Variants in SPHKAP observed in about 807,000 individuals in gnomAD.
The protein encoded by SPHKAP is SPHK1 interactor, AKAP domain containing.
SPHKAP carries 67 observed loss-of-function variants against 137.5 expected under a neutral mutation model. The observed-to-expected ratio is 0.49, with a 90% CI of 0.40 to 0.60. The LOEUF is 0.60. SPHKAP is among the 20% of genes least tolerant of loss of function. SPHKAP has a pLI of 0.00. For synonymous variants in SPHKAP, 813 were observed against 785.3 expected (o/e 1.04, Z -0.59); for missense variants, 2,097 against 2,069.3 (o/e 1.01, Z -0.26).
rs770168432 is a variant in SPHKAP at position 228,019,501 on chromosome 2, G to C, written c.1353C>G (p.Val451=). ...CACTGCCATCTGGACTCTGAACAAC[G>C]ACGATTTTGGGGAGCTCATTCCATG... ...SRSWNELPKI[V]VVQSPDGSDA... Residue 451 remains valine (V), a synonymous_variant, in exon 7 of 12, where the codon GTC becomes GTG. Transcript: ENST00000392056. 6.2e-7 allele frequency: 1 copy of C among 1,614,160 alleles called. No individual in the cohort carries two copies.
chr2:228,120,402 T>G (rs1473586772), intron 2 of SPHKAP, among the ~76,000 whole-genome samples: 2 of 152,138 alleles, frequency 1.3e-5, no homozygotes, highest in Non-Finnish European at 2.9e-5. Context: ...AAATATCACA[T>G]AAGGATATAA....
intron 3 of SPHKAP, among the ~76,000 whole-genome samples, chr2:228,101,192 C>T (rs1698172611): frequency 6.6e-6 from 1 of 152,146 alleles, no homozygotes; most frequent in Admixed American, 6.5e-5. Flanking sequence ...TAGCTCCAGC[C>T]CATTCTTCCC....
chr2:228,054,383 G>A (rs1473730221), intron 3 of SPHKAP, among the ~76,000 whole-genome samples: 1 of 152,068 alleles, frequency 6.6e-6, no homozygotes, highest in Non-Finnish European at 1.5e-5. Flanking sequence ...AAAATGGTAG[G>A]GTTTGGGCAA....
At chr2:228,029,872 G>C (rs1695212654) in intron 3 of SPHKAP, among the ~76,000 whole-genome samples, 1 of 151,920 alleles carries the variant, frequency 6.6e-6, no homozygotes, top group Non-Finnish European at 1.5e-5. Flanking sequence ...CTTGCTCCTG[G>C]GCATGACAAA....
chr2:228,100,135 C>T (rs150550658), intron 3 of SPHKAP, among the ~76,000 whole-genome samples: 118 of 152,282 alleles, frequency 7.7e-4, no homozygotes, highest in African/African-American at 2.7e-3. Flanking sequence ...CAAGCGTGAG[C>T]CACTGCGCCC....
At chr2:228,151,228 C>T (rs1699918713) in intron 1 of SPHKAP, among the ~76,000 whole-genome samples, 1 of 151,768 alleles carries the variant, frequency 6.6e-6, no homozygotes, top group Admixed American at 6.6e-5. Context: ...ATGATGATTT[C>T]CAGTTTCATC....
chr2:228,022,223 C>T (rs926474041), intron 5 of SPHKAP: 137 of 984,724 alleles, frequency 1.4e-4, no homozygotes, highest in Non-Finnish European at 1.5e-4. Context: ...TTCCCTTGGT[C>T]AAAGCAAAAA....
At position 228,170,924 on chromosome 2, in the gene SPHKAP, A is replaced by G. The variant is rs542997590; in HGVS notation, c.32+10643T>C. On this transcript the variant is annotated intron_variant, in intron 1 of 11. Coordinates refer to ENST00000392056, the MANE Select transcript of SPHKAP (RefSeq NM_001142644.2). The stretch of plus-strand genomic sequence containing the variant: ...CACAAGTTAGAACTCAGAGTTAAGA[A>G]TACTAGAAATTATAATAAGAGGTCA... Among the ~76,000 whole-genome samples the G allele has an allele frequency of 8.5e-5, 13 of 152,252 alleles. No homozygotes were observed. In the East Asian group the frequency reaches 2.5e-3, roughly 29 times the overall value.
At chr2:228,021,227 C>T (rs1255229285) in intron 6 of SPHKAP, among the ~76,000 whole-genome samples, 1 of 152,154 alleles carries the variant, frequency 6.6e-6, no homozygotes, top group Admixed American at 6.5e-5. Context: ...AAATCATTAG[C>T]TATAGGCATG....
At chr2:228,149,909 A>G (rs1321522714) in intron 1 of SPHKAP, among the ~76,000 whole-genome samples, 3 of 152,066 alleles carry the variant, frequency 2.0e-5, no homozygotes, top group Admixed American at 2.0e-4. Context: ...TCCTTTCTAA[A>G]TGTTTTACTG....
intron 1 of SPHKAP, among the ~76,000 whole-genome samples, chr2:228,136,628 G>A (rs996397228): frequency 1.3e-5 from 2 of 152,184 alleles, no homozygotes; most frequent in African/African-American, 2.4e-5. Flanking sequence ...CAGCATTGGT[G>A]TCACTTGGGA....
In SPHKAP at chr2:228,074,297, C is replaced by T. The variant is rs79756003; in HGVS notation, c.246+34535G>A. ...GATCTGTACTTTACATTAATGCCCACGTATTAGTCTGTTTTCACACTGCTA... is the reference window on the plus strand; with the variant it reads ...GATCTGTACTTTACATTAATGCCCATGTATTAGTCTGTTTTCACACTGCTA... On this transcript the variant is annotated intron_variant, in intron 3 of 11. Transcript: ENST00000392056. 2.2e-3 allele frequency among the ~76,000 whole-genome samples: 336 copies of T among 152,224 alleles called. 1 individual carries two copies. Among genetic ancestry groups the T allele is most frequent in the Middle Eastern group, 0.01 (3 of 294 alleles).
At chr2:228,065,064 G>A (rs887968545) in intron 3 of SPHKAP, among the ~76,000 whole-genome samples, 17 of 152,318 alleles carry the variant, frequency 1.1e-4, no homozygotes, top group Admixed American at 1.1e-3. Context: ...GCTGTGGGTT[G>A]ATTTCTCCAA....
intron 1 of SPHKAP, among the ~76,000 whole-genome samples, chr2:228,140,095 C>T (rs1385026514): frequency 4.0e-5 from 6 of 151,806 alleles, no homozygotes; most frequent in Non-Finnish European, 8.8e-5. Context: ...TAGGCACCCA[C>T]CACCATGCCC....
intron 3 of SPHKAP, among the ~76,000 whole-genome samples, chr2:228,053,109 G>A (rs9646884): frequency 0.62 from 93,344 of 151,622 alleles, 29,174 homozygotes; most frequent in East Asian, 0.78. Context: ...TTTCTGACTC[G>A]TAGACAGCCA....
intron 7 of SPHKAP, among the ~76,000 whole-genome samples, chr2:227,999,346 C>T (rs1054285694): frequency 9.9e-5 from 15 of 152,070 alleles, no homozygotes; most frequent in African/African-American, 3.6e-4. Context: ...GAGAATGGTG[C>T]AGCCAAAGAG....
chr2:228,100,872 G>C (rs1199838732), intron 3 of SPHKAP, among the ~76,000 whole-genome samples: 1 of 152,116 alleles, frequency 6.6e-6, no homozygotes, highest in African/African-American at 2.4e-5. Context: ...GAAAGAGTTA[G>C]GAAGGAGTCC....
Position 228,061,573 on chromosome 2 carries a change from AATTATT to A in SPHKAP, c.247-34036_247-34031del, listed in dbSNP as rs568477729. Among the ~76,000 whole-genome samples, 491 of 152,014 alleles carry A rather than the reference AATTATT, an allele frequency of 3.2e-3. 2 individuals are homozygous for A. The highest frequency in any genetic ancestry group is 5.8e-3 in the Admixed American group (88 of 15,258). ...AGGCATGAGCCACCGCGCCCGACCT[AATTATT>A]ATTATTATTGGTCATTATTAGTTGG... is the stretch of plus-strand genomic sequence containing the variant. On this transcript the variant is annotated intron_variant, in intron 3 of 11. Transcript: ENST00000392056.
At chr2:228,173,406 A>G (rs969206977) in intron 1 of SPHKAP, among the ~76,000 whole-genome samples, 1 of 152,210 alleles carries the variant, frequency 6.6e-6, no homozygotes, top group Non-Finnish European at 1.5e-5. Flanking sequence ...GATGGAATTA[A>G]GTTTACTAGC....
Sources: allele counts gnomAD v4.1 joint callset (sites outside exome capture counted in the v4.1 genomes callset), GRCh38; gene constraint gnomAD v4.1.1; transcripts MANE v1.5; gene names NCBI Gene and HGNC (gene_info 2026-07-23, HGNC 2026-07-21).